Variants in FOXP2 observed in about 807,000 individuals in gnomAD.
FOXP2 encodes the protein forkhead box protein P2.
FOXP2 carries 12 observed loss-of-function variants against 115.8 expected under a neutral mutation model. The observed-to-expected ratio is 0.10, with a 90% CI of 0.07 to 0.17. FOXP2 has a LOEUF of 0.17. Ranked by LOEUF, FOXP2 falls within the 10% of genes least tolerant of loss-of-function variation. The pLI is 1.00. For missense variants in FOXP2, 629 were observed against 843.5 expected (o/e 0.75, Z 3.15); for synonymous variants, 328 against 297.7 (o/e 1.10, Z -1.05).
At chr7:114,438,469 T>C (rs1364866170) in intron 2 of FOXP2, among the ~76,000 whole-genome samples, 1 of 151,880 alleles carries the variant, frequency 6.6e-6, no homozygotes, top group East Asian at 1.9e-4. Flanking sequence ...CATATGCCTA[T>C]CCTTAAAGTC....
chr7:114,520,699 A>G (rs985414073), intron 2 of FOXP2, among the ~76,000 whole-genome samples: 107 of 152,288 alleles, frequency 7.0e-4, no homozygotes, highest in African/African-American at 2.5e-3. Context: ...TTTTTAAAAC[A>G]TCAATTTCTA....
chr7:114,119,650 G>A (rs1791505542), intron 1 of FOXP2, among the ~76,000 whole-genome samples: 1 of 152,134 alleles, frequency 6.6e-6, no homozygotes, highest in Non-Finnish European at 1.5e-5. Context: ...GGTTGAAGCT[G>A]TAATGAGCCA....
At chr7:114,350,047 C>A (rs969206062) in intron 2 of FOXP2, among the ~76,000 whole-genome samples, 1 of 151,970 alleles carries the variant, frequency 6.6e-6, no homozygotes, top group Non-Finnish European at 1.5e-5. Context: ...TAACAAGAAG[C>A]AAAGAGTCTG....
chr7:114,091,316 G>T (rs1799538395), intron 1 of FOXP2, among the ~76,000 whole-genome samples: 1 of 151,756 alleles, frequency 6.6e-6, no homozygotes, highest in African/African-American at 2.4e-5. Flanking sequence ...AGAAGATTTA[G>T]ATTTCTTACG....
intron 10 of FOXP2, among the ~76,000 whole-genome samples, chr7:114,655,377 T>C (rs1273630193): frequency 6.6e-6 from 1 of 152,150 alleles, no homozygotes; most frequent in Non-Finnish European, 1.5e-5. Flanking sequence ...AAACAGAACC[T>C]GAATGAATAA....
Position 114,628,563 on chromosome 7 carries a change from G to A in FOXP2, c.282G>A (p.Met94Ile). Residue 94 changes from methionine to isoleucine, a missense_variant, in exon 4 of 17, where the codon ATG (methionine) becomes ATA (isoleucine). Coordinates refer to ENST00000350908, the MANE Select transcript of FOXP2 (RefSeq NM_014491.4). Reference protein sequence around the residue: ...PLQVPVSVAMMTPQVITPQQM... With the variant: ...PLQVPVSVAMITPQVITPQQM... Reference sequence around the variant, plus strand: ...AGGTGCCTGTGTCAGTGGCCATGATGACTCCCCAGGTGATCACCCCTCAGC... The same window carrying A: ...AGGTGCCTGTGTCAGTGGCCATGATAACTCCCCAGGTGATCACCCCTCAGC... 1 of 1,614,048 alleles carries A rather than the reference G, an allele frequency of 6.2e-7. No individual in the cohort carries two copies. The highest frequency in any genetic ancestry group is 8.5e-7 in the Non-Finnish European group (1 of 1,179,976).
intron 3 of FOXP2, among the ~76,000 whole-genome samples, chr7:114,577,199 T>A (rs938705977): frequency 6.6e-6 from 1 of 151,936 alleles, no homozygotes; most frequent in Non-Finnish European, 1.5e-5. Flanking sequence ...ACAGGATTTT[T>A]AAAATATAAA....
intron 2 of FOXP2, among the ~76,000 whole-genome samples, chr7:114,427,397 TAA>T (rs761002807): frequency 4.3e-5 from 6 of 140,592 alleles, no homozygotes; most frequent in African/African-American, 5.1e-5. Context: ...CCTGATTTTG[TAA>T]AAAAAAAAAA....
intron 1 of FOXP2, among the ~76,000 whole-genome samples, chr7:114,267,608 T>G (rs1728435): frequency 0.018 from 2,798 of 151,630 alleles, 86 homozygotes; most frequent in African/African-American, 0.062. Flanking sequence ...GTGCCTGTAG[T>G]CCCAACTACT....
chr7:114,537,960 CTAA>C (rs1309960396), intron 3 of FOXP2, among the ~76,000 whole-genome samples: 1 of 151,560 alleles, frequency 6.6e-6, no homozygotes, highest in Non-Finnish European at 1.5e-5. Context: ...AAAACATATC[CTAA>C]TAATAACAGC....
At chr7:114,112,160 A>G (rs1791285382) in intron 1 of FOXP2, among the ~76,000 whole-genome samples, 1 of 152,052 alleles carries the variant, frequency 6.6e-6, no homozygotes, top group Non-Finnish European at 1.5e-5. Flanking sequence ...CCACTCCAAT[A>G]AGGTGCCTTT....
chr7:114,227,864 G>A (rs959243642), intron 1 of FOXP2, among the ~76,000 whole-genome samples: 6 of 151,852 alleles, frequency 4.0e-5, no homozygotes, highest in Admixed American at 1.3e-4. Flanking sequence ...TCCACAAAAT[G>A]GCTCTTCCTA....
At chr7:114,278,923 C>T (rs965614716) in intron 1 of FOXP2, among the ~76,000 whole-genome samples, 2 of 152,092 alleles carry the variant, frequency 1.3e-5, no homozygotes, top group Non-Finnish European at 2.9e-5. Flanking sequence ...CACTGCTCAG[C>T]ACACTGCCCA....
At chr7:114,262,424 C>T (rs1484049588) in intron 1 of FOXP2, among the ~76,000 whole-genome samples, 1 of 152,078 alleles carries the variant, frequency 6.6e-6, no homozygotes, top group African/African-American at 2.4e-5. Flanking sequence ...ATAAAAGGTA[C>T]TATGCTTAGT....
chr7:114,206,153 C>T (rs1794197946), intron 1 of FOXP2, among the ~76,000 whole-genome samples: 1 of 152,138 alleles, frequency 6.6e-6, no homozygotes, highest in Non-Finnish European at 1.5e-5. Flanking sequence ...TTGCCCTCAT[C>T]TAGTCAAGTC....
intron 2 of FOXP2, among the ~76,000 whole-genome samples, chr7:114,453,876 A>T (rs906607555): frequency 2.3e-4 from 35 of 152,264 alleles, no homozygotes; most frequent in African/African-American, 8.2e-4. Context: ...TTCAAGATGG[A>T]TTAAAGATTT....
chr7:114,118,155 G>A (rs1791458864), intron 1 of FOXP2, among the ~76,000 whole-genome samples: 1 of 152,080 alleles, frequency 6.6e-6, no homozygotes, highest in South Asian at 2.1e-4. Context: ...CACAGTGGTT[G>A]AATATTTTGT....
At chr7:114,186,916 C>A (rs1299234607) in intron 1 of FOXP2, among the ~76,000 whole-genome samples, 1 of 152,170 alleles carries the variant, frequency 6.6e-6, no homozygotes, top group Non-Finnish European at 1.5e-5. Flanking sequence ...ATTTGGGGAG[C>A]AGACACTTGA....
intron 1 of FOXP2, among the ~76,000 whole-genome samples, chr7:114,280,307 A>C (rs1796299701): frequency 6.6e-6 from 1 of 151,948 alleles, no homozygotes; most frequent in Non-Finnish European, 1.5e-5. Flanking sequence ...TTCATCCTTT[A>C]ATTTTATTGT....
Sources: allele counts gnomAD v4.1 joint callset (sites outside exome capture counted in the v4.1 genomes callset), GRCh38; gene constraint gnomAD v4.1.1; transcripts MANE v1.5; gene names NCBI Gene and HGNC (gene_info 2026-07-23, HGNC 2026-07-21).